Variants in ZNF157 observed in about 807,000 individuals in gnomAD.
ZNF157 encodes the protein zinc finger protein 157.
ZNF157 carries 8 observed loss-of-function variants against 9.4 expected under a neutral mutation model. The observed-to-expected ratio is 0.85, with a 90% CI of 0.50 to 1.53. ZNF157 has a LOEUF of 1.53. Ranked by LOEUF, ZNF157 falls within the 40% of genes most tolerant of loss-of-function variation. ZNF157 has a pLI of 0.00. For missense variants in ZNF157, 316 were observed against 385.2 expected (o/e 0.82, Z 1.50); for synonymous variants, 120 against 130.8 (o/e 0.92, Z 0.56).
intron 1 of ZNF157, among the ~76,000 whole-genome samples, chrX:47,403,554 C>T (rs1261826553): frequency 2.7e-5 from 3 of 110,518 alleles, no homozygotes; most frequent in East Asian, 2.9e-4. Context: ...AGGCTTGTCT[C>T]GAACTCCTGG....
rs772261404 is a variant in ZNF157, at chrX:47,413,467, CAGG to C, written c.1397_1399del (p.Gly466del). ...CTCATTGAACATCAGCGAATTCACA[CAGG>C]AGAGAGACCCTTTGAGTGTCAAGAA... On this transcript the variant is annotated inframe_deletion, in exon 4 of 4. Coordinates refer to ENST00000377073, the MANE Select transcript of ZNF157 (RefSeq NM_003446.4). The C allele has an allele frequency of 1.2e-5, 14 of 1,212,050 alleles. No individual in the cohort carries two copies. The highest frequency in any genetic ancestry group is 1.0e-5 in the Non-Finnish European group (9 of 895,602).
At chrX:47,401,284 G>A (rs2055929668) in intron 1 of ZNF157, among the ~76,000 whole-genome samples, 1 of 111,786 alleles carries the variant, frequency 8.9e-6, no homozygotes. Flanking sequence ...TTGCTGTTGG[G>A]TAGCACTCAC....
chrX:47,412,992 T>A lies in ZNF157; in HGVS notation c.919T>A (p.Cys307Ser). 2 of 1,209,500 alleles carry A rather than the reference T, an allele frequency of 1.7e-6. No homozygotes were observed. The highest frequency in any genetic ancestry group is 1.8e-5 in the South Asian group (1 of 56,688). ...TGEKPYECGE[C>S]GKNFRAKKSL... The stretch of plus-strand genomic sequence containing the variant: ...GGAGAAACCTTATGAATGTGGGGAG[T>A]GTGGGAAAAACTTCCGTGCAAAGAA... The change falls in exon 4 of 4, where the codon TGT (cysteine) becomes AGT (serine). Residue 307 changes from cysteine (C) to serine (S), a missense_variant. By Grantham distance (112) the Cys-to-Ser change is moderately radical. This residue lies in a region of ZNF157 where 167 missense variants were observed against 183.6 expected (regional missense o/e 0.91). Transcript: ENST00000377073.
In ZNF157 at chrX:47,383,943, G is replaced by A. The variant is rs193271017; in HGVS notation, c.72+13203G>A. Among the ~76,000 whole-genome samples, 6 of 110,061 alleles carry A rather than the reference G, an allele frequency of 5.5e-5. No individual in the cohort carries two copies. In the East Asian group the frequency reaches 1.7e-3, roughly 32 times the overall value. ...AAATGTAACAGTTGATAGGATTAAG[G>A]TGTACATTTGGGTGAAAATTGGAAT... On this transcript the variant is annotated intron_variant, in intron 1 of 3. Transcript: ENST00000377073.
intron 1 of ZNF157, among the ~76,000 whole-genome samples, chrX:47,386,479 G>C (rs764219919): frequency 1.1e-4 from 12 of 108,891 alleles, no homozygotes; most frequent in Non-Finnish European, 2.1e-4. Context: ...GTTTTTTTTT[G>C]AGATGGAGTC....
intron 1 of ZNF157, among the ~76,000 whole-genome samples, chrX:47,408,854 C>T (rs1261824766): frequency 9.0e-6 from 1 of 111,569 alleles, no homozygotes; most frequent in Non-Finnish European, 1.9e-5. Context: ...TGAGAAACCA[C>T]CCCCATGATC....
intron 1 of ZNF157, among the ~76,000 whole-genome samples, chrX:47,372,696 G>T (rs1218531277): frequency 9.2e-6 from 1 of 108,943 alleles, no homozygotes; most frequent in Non-Finnish European, 1.9e-5. Context: ...GTTTCTCCAT[G>T]TTGGTCAGGC....
chrX:47,384,980 G>A (rs1463999496), intron 1 of ZNF157, among the ~76,000 whole-genome samples: 2 of 111,408 alleles, frequency 1.8e-5, no homozygotes, highest in Admixed American at 1.9e-4. Context: ...TTTCCGCCGG[G>A]ACTGATGGAG....
intron 1 of ZNF157, chrX:47,390,833 T>C (rs2055895164): frequency 8.9e-6 from 1 of 112,694 alleles, no homozygotes; most frequent in Non-Finnish European, 1.9e-5. Context: ...CTTTGTGAAA[T>C]GAGCAGCACT....
intron 1 of ZNF157, among the ~76,000 whole-genome samples, chrX:47,409,769 G>A (rs1473514921): frequency 9.2e-6 from 1 of 108,591 alleles, no homozygotes; most frequent in Non-Finnish European, 1.9e-5. Flanking sequence ...TCCGCCTCCT[G>A]AGTAGCTGGG....
chrX:47,375,563 T>A (rs2055842478), intron 1 of ZNF157, among the ~76,000 whole-genome samples: 1 of 111,476 alleles, frequency 9.0e-6, no homozygotes, highest in Non-Finnish European at 1.9e-5. Flanking sequence ...GGCAAATAGA[T>A]CATGACATAT....
At chrX:47,408,736 C>T (rs73492372) in intron 1 of ZNF157, among the ~76,000 whole-genome samples, 4,109 of 111,504 alleles carry the variant, frequency 0.037, 190 homozygotes, top group African/African-American at 0.12. Context: ...TCTTACATGG[C>T]CAGAGCAGGA....
chrX:47,372,868 C>T (rs2055832781), intron 1 of ZNF157, among the ~76,000 whole-genome samples: 1 of 110,226 alleles, frequency 9.1e-6, no homozygotes, highest in Admixed American at 9.9e-5. Flanking sequence ...GAATTCAAGA[C>T]CAGCCTGGGC....
chrX:47,406,283 G>C (rs1329867609), intron 1 of ZNF157, among the ~76,000 whole-genome samples: 1 of 109,543 alleles, frequency 9.1e-6, no homozygotes, highest in Non-Finnish European at 1.9e-5. Context: ...TCGCGTTACT[G>C]TTAAGCTTGG....
intron 1 of ZNF157, among the ~76,000 whole-genome samples, chrX:47,383,650 G>A (rs1279636209): frequency 2.2e-5 from 2 of 89,884 alleles, no homozygotes; most frequent in Non-Finnish European, 4.2e-5. Context: ...CAAGCCTGCA[G>A]TAAGCCATGA....
In ZNF157 at chrX:47,378,835, C is replaced by CA. The variant is rs1292771774; in HGVS notation, c.72+8105dup. Reference sequence around the variant, plus strand: ...CCTGGGCGACGGTGCCAGACTGTCTCAAAAAAAAAACTAAGTTCCTCTCAA... The same window carrying CA: ...CCTGGGCGACGGTGCCAGACTGTCTCAAAAAAAAAAACTAAGTTCCTCTCAA... On this transcript the variant is annotated intron_variant, in intron 1 of 3. Coordinates refer to ENST00000377073, the MANE Select transcript of ZNF157 (RefSeq NM_003446.4). 1.4e-4 allele frequency among the ~76,000 whole-genome samples: 15 copies of CA among 105,011 alleles called. No homozygotes were observed. The South Asian group carries it at 2.0e-3, about 14-fold the overall frequency. The allele number at this position is 105,011 out of a possible 115,157, so 91.2% of individuals were successfully genotyped here. A position where few individuals can be genotyped will look rare whatever the true frequency, so the allele number is the denominator to read the frequency against.
At chrX:47,377,747 T>TAA (rs200096522) in intron 1 of ZNF157, among the ~76,000 whole-genome samples, 1 of 97,928 alleles carries the variant, frequency 1.0e-5, no homozygotes, top group Non-Finnish European at 2.0e-5. Context: ...TTTTTTTTTT[T>TAA]TAAAAAAAAC....
At chrX:47,396,838 C>T (rs1377497010) in intron 1 of ZNF157, among the ~76,000 whole-genome samples, 4 of 111,912 alleles carry the variant, frequency 3.6e-5, no homozygotes, top group African/African-American at 6.5e-5. Context: ...ACAATCATGG[C>T]GGAAGGCAAA....
intron 1 of ZNF157, chrX:47,390,146 C>G (rs1461610037): frequency 9.0e-6 from 1 of 111,167 alleles, no homozygotes; most frequent in South Asian, 3.8e-4. Context: ...CTCAAAGAAG[C>G]CTGTGTGGGA....
Sources: allele counts gnomAD v4.1 joint callset (sites outside exome capture counted in the v4.1 genomes callset), GRCh38; gene constraint gnomAD v4.1.1; regional missense constraint gnomAD v4.1.1; transcripts MANE v1.5; gene names NCBI Gene and HGNC (gene_info 2026-07-23, HGNC 2026-07-21).